Variants in HUNK observed in about 807,000 individuals in gnomAD.
HUNK encodes hormonally up-regulated Neu-associated kinase.
Under a neutral mutation model 61.0 loss-of-function variants are expected in HUNK, and 21 were observed. The observed-to-expected ratio is 0.34, with a 90% confidence interval of 0.24 to 0.50. The LOEUF (loss-of-function observed/expected upper bound fraction) is 0.50, where lower values mean the gene tolerates loss of function less well. Ranked by LOEUF, HUNK falls within the 20% of genes least tolerant of loss-of-function variation. HUNK has a pLI of 0.98. For synonymous variants in HUNK, 371 were observed against 386.1 expected, an observed-to-expected ratio of 0.96 and a Z score of 0.46; for missense variants, 772 against 945.7, an observed-to-expected ratio of 0.82 and a Z score of 2.41.
At chr21:31,906,777 T>C (rs2052508596) in intron 1 of HUNK, among the ~76,000 whole-genome samples, 1 of 151,960 alleles carries the variant, frequency 6.6e-6, no homozygotes, top group Non-Finnish European at 1.5e-5. Context: ...AGTCAGCTGG[T>C]CCGTGGGCTC....
chr21:31,996,610 A>T (rs2053207766), intron 10 of HUNK, among the ~76,000 whole-genome samples: 1 of 152,220 alleles, frequency 6.6e-6, no homozygotes, highest in African/African-American at 2.4e-5. Context: ...TAGAAACGCC[A>T]AGAGGGGACA....
At chr21:31,877,571 T>C (rs1375251255) in intron 1 of HUNK, among the ~76,000 whole-genome samples, 1 of 152,216 alleles carries the variant, frequency 6.6e-6, no homozygotes, top group Admixed American at 6.5e-5. Context: ...TCTGTTAATC[T>C]GGCTTTAAAA....
In HUNK at chr21:31,885,192, G is replaced by A. The variant is rs550715624; in HGVS notation, c.261+11257G>A. 2.2e-4 allele frequency among the ~76,000 whole-genome samples: 34 copies of A among 152,340 alleles called. No individual in the cohort carries two copies. In the East Asian group the frequency reaches 6.6e-3, roughly 29 times the overall value. On this transcript the variant is annotated intron_variant, in intron 1 of 10. Coordinates refer to ENST00000270112, the MANE Select transcript of HUNK (RefSeq NM_014586.2). ...GAAAGAGAAAGGGGGAATATCGAGG[G>A]AAATGAAAACCTTTCAAGGAGCAAG...
In HUNK at chr21:31,995,801, G is replaced by T. The variant is rs1468657203; in HGVS notation, c.1339G>T (p.Asp447Tyr). 1 of 1,614,086 alleles carries T rather than the reference G, an allele frequency of 6.2e-7. No individual in the cohort carries two copies. The highest frequency in any genetic ancestry group is 1.3e-5 in the African/African-American group (1 of 75,048). Residue 447 changes from aspartate to tyrosine, a missense_variant, in exon 10 of 11, where the codon GAT becomes TAT. Coordinates refer to ENST00000270112, the MANE Select transcript of HUNK (RefSeq NM_014586.2). ...KKPKEQEKRG[D>Y]FLHRPFSKKL... Reference sequence around the variant, plus strand: ...GCCCAAAGAACAAGAAAAAAGAGGGGATTTTCTTCATCGACCATTCTCCAA... The same window carrying T: ...GCCCAAAGAACAAGAAAAAAGAGGGTATTTTCTTCATCGACCATTCTCCAA...
chr21:31,899,909 C>T (rs1333889638), intron 1 of HUNK, among the ~76,000 whole-genome samples: 2 of 152,056 alleles, frequency 1.3e-5, no homozygotes. Flanking sequence ...TCCCACGTAG[C>T]TGGGATTACA....
chr21:31,984,970 C>G (rs1239894811), intron 8 of HUNK, among the ~76,000 whole-genome samples: 5 of 152,170 alleles, frequency 3.3e-5, no homozygotes, highest in Admixed American at 2.6e-4. Context: ...AAATGAGGAG[C>G]AAAGTCACGT....
chr21:31,912,481 G>A (rs2052553340), intron 1 of HUNK, among the ~76,000 whole-genome samples: 1 of 152,096 alleles, frequency 6.6e-6, no homozygotes, highest in South Asian at 2.1e-4. Flanking sequence ...GCCTCGGTCG[G>A]GGGAGGAGAG....
At chr21:31,915,243 C>G (rs948596752) in intron 1 of HUNK, among the ~76,000 whole-genome samples, 86 of 152,042 alleles carry the variant, frequency 5.7e-4, no homozygotes, top group African/African-American at 1.6e-3. Flanking sequence ...TACCTAGAAC[C>G]CTGGCAGGTA....
At chr21:31,959,272 G>A (rs10483010) in intron 5 of HUNK, among the ~76,000 whole-genome samples, 18,134 of 152,092 alleles carry the variant, frequency 0.12, 1,311 homozygotes, top group African/African-American at 0.21. Context: ...TTTAAAAAAT[G>A]ATTGCAGGCT....
At chr21:31,974,824 A>T in intron 7 of HUNK, 107 bp downstream of exon 7, 1 of 1,107,324 alleles carries the variant, frequency 9.0e-7, no homozygotes, top group Non-Finnish European at 1.3e-6. Context: ...TGCTAATTTA[A>T]TCTAATGTGA....
At chr21:31,956,120 C>G (rs909514077) in intron 4 of HUNK, among the ~76,000 whole-genome samples, 2 of 152,198 alleles carry the variant, frequency 1.3e-5, no homozygotes, top group African/African-American at 4.8e-5. Context: ...AGGTCCCAGC[C>G]TGGGGAAGAC....
Position 31,873,840 on chromosome 21 carries a change from A to G in HUNK, c.166A>G (p.Lys56Glu). ...GCGGCTCCGCGACTTCCAGCACCACAAGCGCGTGGGCAACTACCTCATCGG... is the reference window on the plus strand; with the variant it reads ...GCGGCTCCGCGACTTCCAGCACCACGAGCGCGTGGGCAACTACCTCATCGG... Reference protein sequence around the residue: ...RERLRDFQHHKRVGNYLIGSR... With the variant: ...RERLRDFQHHERVGNYLIGSR... The change falls in exon 1 of 11, where the codon AAG becomes GAG. Residue 56 changes from lysine (K) to glutamate (E), a missense_variant. By Grantham distance (56) the Lys-to-Glu change is moderately conservative. Around this residue, in one of 2 missense-constraint regions of HUNK, gnomAD observed 359 missense variants for 501.3 expected, o/e 0.72. Transcript: ENST00000270112. This position sits in a 1 kb window ranked among gnomAD's most constrained non-coding sequence, Gnocchi z 6.1. 1 of 1,585,644 alleles carries G rather than the reference A, an allele frequency of 6.3e-7. No individual in the cohort carries two copies. Among genetic ancestry groups the G allele is most frequent in the Non-Finnish European group, 8.6e-7 (1 of 1,168,496 alleles).
intron 2 of HUNK, among the ~76,000 whole-genome samples, chr21:31,926,259 T>C (rs2052659065): frequency 6.6e-6 from 1 of 152,210 alleles, no homozygotes; most frequent in Non-Finnish European, 1.5e-5. Context: ...AAAAGCAAGA[T>C]TGAGGCATGA....
At chr21:31,963,363 A>T (rs1601400662) in intron 5 of HUNK, among the ~76,000 whole-genome samples, 1 of 152,352 alleles carries the variant, frequency 6.6e-6, no homozygotes, top group East Asian at 1.9e-4. Context: ...CCCCCCTACA[A>T]AAAGTTGGAG....
chr21:31,974,690 C>T lies in HUNK; in HGVS notation c.1146C>T (p.Asn382=). 6.2e-7 allele frequency: 1 copy of T among 1,613,828 alleles called. No individual in the cohort carries two copies. ...TCCTGGCCATCTACTTCCTCTTAAA[C>T]AAGAAACTGGAGCGCTATTTGTCAG... ...CHILAIYFLL[N]KKLERYLSGK... is the part of the protein sequence containing the mutation. The change falls in exon 7 of 11, where the codon AAC becomes AAT. Residue 382 remains asparagine (N), a synonymous_variant. Transcript: ENST00000270112.
chr21:31,942,188 C>T (rs367704387), intron 3 of HUNK, among the ~76,000 whole-genome samples: 22 of 152,332 alleles, frequency 1.4e-4, no homozygotes, highest in African/African-American at 3.6e-4. Flanking sequence ...CCAGCCTGGG[C>T]GACAGAGCGA....
chr21:31,958,777 G>T (rs1040461193), intron 4 of HUNK, 66 bp from the exon 5 acceptor site: 4 of 1,462,944 alleles, frequency 2.7e-6, no homozygotes, highest in Non-Finnish European at 2.7e-6. Flanking sequence ...GGTGAAGCCC[G>T]TGTCCCCAGT....
Position 31,873,518 on chromosome 21 carries a change from G to GAC in HUNK, c.-157_-156insAC. 2.2e-6 allele frequency: 1 copy of GAC among 457,150 alleles called. No individual in the cohort carries two copies. Among genetic ancestry groups the GAC allele is most frequent in the Non-Finnish European group, 2.9e-6 (1 of 347,022 alleles). 28.3% of individuals were successfully genotyped at this position (457,150 alleles called of 1,614,324 possible). ...ACGCGCCTCGCTGGGCGGCGCGGGG[G>GAC]GCGTGATCGCGGCGGCCCCGGGCTC... is the stretch of plus-strand genomic sequence containing the variant. On this transcript the variant is annotated 5_prime_UTR_variant, in exon 1 of 11. Coordinates refer to ENST00000270112, the MANE Select transcript of HUNK (RefSeq NM_014586.2). The surrounding 1 kb of genome is among the most constrained non-coding windows in gnomAD (Gnocchi z 6.1).
chr21:31,878,998 G>A (rs1234376934), intron 1 of HUNK, among the ~76,000 whole-genome samples: 1 of 152,176 alleles, frequency 6.6e-6, no homozygotes, highest in East Asian at 1.9e-4. Flanking sequence ...ACTATTTTTA[G>A]GCTAAGAGTA....
Sources: gnomAD v4.1 joint callset for allele counts (sites outside exome capture counted in the v4.1 genomes callset) on GRCh38, gnomAD v4.1.1 for gene constraint, gnomAD v4.1.1 regional missense constraint, Gnocchi (gnomAD v3.1) non-coding constraint, MANE v1.5 for transcripts, NCBI Gene and HGNC (gene_info 2026-07-23, HGNC 2026-07-21) for gene names.